Variants in SUGCT observed in about 807,000 individuals in gnomAD.
SUGCT encodes the protein succinyl-CoA:glutarate-CoA transferase.
A neutral mutation model predicts 55.0 loss-of-function variants in SUGCT; 41 were observed. That is an observed-to-expected ratio of 0.74 (90% CI 0.58 to 0.97). The LOEUF is 0.97. Among genes scored for constraint, SUGCT ranks in the 50% least tolerant of loss-of-function variants. The pLI is 0.00. For synonymous variants in SUGCT, 187 were observed against 200.4 expected (o/e 0.93, Z 0.56); for missense variants, 568 against 547.8 (o/e 1.04, Z -0.37).
intron 6 of SUGCT, among the ~76,000 whole-genome samples, chr7:40,229,300 C>T (rs1318525438): frequency 6.6e-6 from 1 of 152,130 alleles, no homozygotes; most frequent in Non-Finnish European, 1.5e-5. Flanking sequence ...GGGTGGATCA[C>T]CTGAGGTCAG....
At chr7:40,716,882 T>TCTAA (rs1360561282) in intron 12 of SUGCT, among the ~76,000 whole-genome samples, 1 of 152,032 alleles carries the variant, frequency 6.6e-6, no homozygotes, top group African/African-American at 2.4e-5. Flanking sequence ...ATGCCACTAG[T>TCTAA]CTAACTGTGA....
At chr7:40,444,892 C>A (rs1266202038) in intron 9 of SUGCT, among the ~76,000 whole-genome samples, 2 of 152,126 alleles carry the variant, frequency 1.3e-5, no homozygotes, top group Non-Finnish European at 2.9e-5. Context: ...TTTTGAGATA[C>A]ATCCCACCAA....
At chr7:40,982,667 ATTT>A in the SUGCT span, among the ~76,000 whole-genome samples, 1 of 150,102 alleles carries the variant, frequency 6.7e-6, no homozygotes, top group African/African-American at 2.4e-5. Flanking sequence ...TTTTTTTTTT[ATTT>A]TTTAGATAGA....
rs778031775 is a variant in SUGCT at position 40,181,005 on chromosome 7, A to G, written c.152+7A>G. 3 of 1,600,990 alleles carry G rather than the reference A, an allele frequency of 1.9e-6. No homozygotes were observed. Among genetic ancestry groups the G allele is most frequent in the East Asian group, 2.2e-5 (1 of 44,728 alleles). Reference sequence around the variant, plus strand: ...AAATTCTGGATCTAACAAGGTTTGTATTGGTTTATCTACATTTTGGTGATT... The same window carrying G: ...AAATTCTGGATCTAACAAGGTTTGTGTTGGTTTATCTACATTTTGGTGATT... On this transcript the variant is annotated splice_region_variant and intron_variant, in intron 2 of 13. Transcript: ENST00000335693.
At chr7:40,606,379 C>T (rs1024889093) in intron 12 of SUGCT, among the ~76,000 whole-genome samples, 3 of 152,094 alleles carry the variant, frequency 2.0e-5, no homozygotes, top group Admixed American at 6.5e-5. Context: ...GAAGCGACCA[C>T]GTGTGAGGAT....
intron 10 of SUGCT, among the ~76,000 whole-genome samples, chr7:40,454,299 A>G (rs573551410): frequency 3.9e-5 from 6 of 152,338 alleles, no homozygotes; most frequent in African/African-American, 1.4e-4. Context: ...TAAAAGTTAA[A>G]TGCCCGTAGA....
intron 9 of SUGCT, among the ~76,000 whole-genome samples, chr7:40,369,119 T>A (rs78360249): frequency 0.09 from 13,638 of 150,724 alleles, 1,046 homozygotes; most frequent in East Asian, 0.44. Flanking sequence ...AAAAAAAAAA[T>A]TATAACTTTT....
chr7:40,415,062 A>ATCTATCTATCTG (rs1562760090), intron 9 of SUGCT, among the ~76,000 whole-genome samples: 700 of 14,818 alleles, frequency 0.047, 7 homozygotes, highest in Non-Finnish European at 0.086. Context: ...AAAAAAAAAA[A>ATCTATCTATCTG]TCTATCTATC....
chr7:40,916,050 T>A, the SUGCT span, among the ~76,000 whole-genome samples: 65 of 97,964 alleles, frequency 6.6e-4, no homozygotes, highest in Admixed American at 1.2e-3. Context: ...TGGGACACTC[T>A]CTCTCTCTCT....
At chr7:40,222,660 G>A (rs1394238975) in intron 6 of SUGCT, among the ~76,000 whole-genome samples, 1 of 152,136 alleles carries the variant, frequency 6.6e-6, no homozygotes, top group Non-Finnish European at 1.5e-5. Context: ...TGGCTAACAT[G>A]GCGAAACTCT....
At chr7:40,227,856 TTTG>T (rs931055402) in intron 6 of SUGCT, among the ~76,000 whole-genome samples, 39 of 151,066 alleles carry the variant, frequency 2.6e-4, no homozygotes, top group Non-Finnish European at 4.4e-4. Flanking sequence ...ATTTTATTTA[TTTG>T]TTATTTATTT....
At chr7:40,334,143 G>A (rs923714683) in intron 9 of SUGCT, among the ~76,000 whole-genome samples, 23 of 152,108 alleles carry the variant, frequency 1.5e-4, no homozygotes, top group Non-Finnish European at 2.4e-4. Flanking sequence ...TCTTAATCCA[G>A]TCTATCATTG....
At chr7:40,268,919 G>A (rs1458809678) in intron 7 of SUGCT, among the ~76,000 whole-genome samples, 2 of 152,226 alleles carry the variant, frequency 1.3e-5, no homozygotes, top group Non-Finnish European at 2.9e-5. Flanking sequence ...TTACAGGCAT[G>A]AGCCAATGTG....
intron 12 of SUGCT, among the ~76,000 whole-genome samples, chr7:40,677,431 T>C (rs1784054895): frequency 6.6e-6 from 1 of 152,244 alleles, no homozygotes; most frequent in Non-Finnish European, 1.5e-5. Context: ...AGCTGTTTGC[T>C]TGTTTTCATT....
the SUGCT span, among the ~76,000 whole-genome samples, chr7:40,954,987 A>G: frequency 8.5e-5 from 13 of 152,236 alleles, no homozygotes; most frequent in Non-Finnish European, 1.2e-4. Context: ...GTTCTGTTCA[A>G]TTGGTCCATA....
intron 12 of SUGCT, among the ~76,000 whole-genome samples, chr7:40,650,063 A>G (rs2151837727): frequency 6.6e-6 from 1 of 152,288 alleles, no homozygotes; most frequent in South Asian, 2.1e-4. Context: ...AATGGGGGGA[A>G]TTTGAAATCA....
chr7:40,204,162 G>A (rs537617015), intron 6 of SUGCT, among the ~76,000 whole-genome samples: 1 of 151,412 alleles, frequency 6.6e-6, no homozygotes, highest in Non-Finnish European at 1.5e-5. Flanking sequence ...CTAATTTTTT[G>A]ATTTTTTTGG....
At chr7:40,785,009 A>G (rs1249698192) in intron 13 of SUGCT, among the ~76,000 whole-genome samples, 1 of 152,192 alleles carries the variant, frequency 6.6e-6, no homozygotes, top group African/African-American at 2.4e-5. Context: ...AGCAGCCTCA[A>G]TAATTAGTTT....
intron 1 of SUGCT, among the ~76,000 whole-genome samples, chr7:40,147,642 T>C (rs1438319187): frequency 1.3e-5 from 2 of 152,314 alleles, no homozygotes; most frequent in East Asian, 3.9e-4. Context: ...TGAGGATTCT[T>C]TAAGCTAGGT....
Sources: gnomAD v4.1 joint callset for allele counts (sites outside exome capture counted in the v4.1 genomes callset) on GRCh38, gnomAD v4.1.1 for gene constraint, MANE v1.5 for transcripts, NCBI Gene and HGNC (gene_info 2026-07-23, HGNC 2026-07-21) for gene names.